GNG2: variants seen among roughly 807,000 people sequenced by gnomAD.
The protein encoded by GNG2 is G protein subunit gamma 2.
GNG2 carries 5 observed loss-of-function variants against 5.5 expected under a neutral mutation model. That is an observed-to-expected ratio of 0.91 (90% CI 0.48 to 1.92). The LOEUF is 1.92. GNG2 is among the 30% of genes most tolerant of loss of function. The pLI, the probability that GNG2 is intolerant of heterozygous loss-of-function variation, is 0.01. For synonymous variants in GNG2, 28 were observed against 32.0 expected (o/e 0.88, Z 0.42); for missense variants, 55 against 88.4 (o/e 0.62, Z 1.52).
At chr14:51,895,812 T>G (rs1885153103) in intron 2 of GNG2, among the ~76,000 whole-genome samples, 1 of 152,166 alleles carries the variant, frequency 6.6e-6, no homozygotes, top group South Asian at 2.1e-4. Context: ...GGCGGGTCTT[T>G]CCTGTGCTGT....
chr14:51,902,026 G>A (rs1459439819), intron 2 of GNG2, among the ~76,000 whole-genome samples: 1 of 141,480 alleles, frequency 7.1e-6, no homozygotes, highest in Non-Finnish European at 1.5e-5. Flanking sequence ...GAATATTTTG[G>A]AAATTATTTT....
chr14:51,937,581 T>C (rs1348201865), intron 2 of GNG2, among the ~76,000 whole-genome samples: 1 of 152,000 alleles, frequency 6.6e-6, no homozygotes, highest in Non-Finnish European at 1.5e-5. Context: ...CTTTTCAGTT[T>C]TCCGAAAATG....
chr14:51,867,644 T>G (rs973812037), intron 1 of GNG2, among the ~76,000 whole-genome samples: 13 of 152,208 alleles, frequency 8.5e-5, no homozygotes, highest in Admixed American at 7.2e-4. Context: ...GACTTGTTTT[T>G]TGAGTTCTTT....
upstream of GNG2, among the ~76,000 whole-genome samples, chr14:51,856,171 G>A (rs543169305): frequency 7.8e-4 from 118 of 152,004 alleles, no homozygotes; most frequent in Non-Finnish European, 1.5e-3. Flanking sequence ...GAGCAAGACA[G>A]TCTCAAAAAA....
intron 2 of GNG2, among the ~76,000 whole-genome samples, chr14:51,833,320 G>A (rs1399995488): frequency 6.6e-6 from 1 of 152,056 alleles, no homozygotes; most frequent in African/African-American, 2.4e-5. Flanking sequence ...CATCTTTAAT[G>A]GGCTCTTTCC....
rs117628732 is a variant in GNG2, at chr14:51,953,189, T to A, written c.87+2424T>A. Among the ~76,000 whole-genome samples the A allele has an allele frequency of 4.5e-3, 682 of 152,334 alleles. 3 individuals are homozygous for A. Among genetic ancestry groups the A allele is most frequent in the Admixed American group, 0.01 (153 of 15,300 alleles). On this transcript the variant is annotated intron_variant, in intron 3 of 3. Coordinates refer to ENST00000556766, the MANE Select transcript of GNG2 (RefSeq NM_053064.5). ...TTTAAAAAGTTTTCCTAGACCCGCA[T>A]CATAAGGTTGGATTTTTGCTGTTTG...
At chr14:51,841,306 C>A (rs1881475158) in intron 2 of GNG2, among the ~76,000 whole-genome samples, 1 of 152,148 alleles carries the variant, frequency 6.6e-6, no homozygotes, top group African/African-American at 2.4e-5. Context: ...GAATCTATGG[C>A]AGGGAGTCCA....
At chr14:51,876,397 G>A (rs887844517) in intron 1 of GNG2, among the ~76,000 whole-genome samples, 1 of 152,058 alleles carries the variant, frequency 6.6e-6, no homozygotes, top group African/African-American at 2.4e-5. Flanking sequence ...TCATGGAGTG[G>A]CATCACTAAA....
At chr14:51,835,040 T>A (rs1010292693) in intron 2 of GNG2, among the ~76,000 whole-genome samples, 2 of 152,178 alleles carry the variant, frequency 1.3e-5, no homozygotes, top group East Asian at 1.9e-4. Context: ...AGGTGAAGGA[T>A]GTAGAATTAG....
intron 2 of GNG2, among the ~76,000 whole-genome samples, chr14:51,948,843 C>T (rs1004079196): frequency 4.6e-5 from 7 of 152,152 alleles, no homozygotes; most frequent in African/African-American, 1.7e-4. Flanking sequence ...GAGGGATGGC[C>T]GGGCGTGGTG....
chr14:51,889,458 G>T (rs1170652575), intron 2 of GNG2, among the ~76,000 whole-genome samples: 2 of 152,142 alleles, frequency 1.3e-5, no homozygotes, highest in East Asian at 3.9e-4. Flanking sequence ...GATGGGTACA[G>T]AATTCACAGT....
intron 2 of GNG2, among the ~76,000 whole-genome samples, chr14:51,893,973 C>T (rs551119691): frequency 3.2e-4 from 48 of 151,958 alleles, no homozygotes; most frequent in African/African-American, 1.1e-3. Flanking sequence ...TCAATGATGC[C>T]ATCTTCATTA....
chr14:51,870,166 T>C (rs577045828), intron 1 of GNG2, among the ~76,000 whole-genome samples: 2 of 152,260 alleles, frequency 1.3e-5, no homozygotes, highest in South Asian at 4.1e-4. Flanking sequence ...GCATTTCCCT[T>C]TGAGAAAAAC....
intron 3 of GNG2, among the ~76,000 whole-genome samples, chr14:51,958,456 A>T (rs920035280): frequency 8.3e-6 from 1 of 121,008 alleles, no homozygotes; most frequent in Non-Finnish European, 1.7e-5. Flanking sequence ...CCCCATTTAT[A>T]TTTCTTTCTA....
At chr14:51,861,638 C>A (rs1190863240) in intron 1 of GNG2, among the ~76,000 whole-genome samples, 1 of 152,216 alleles carries the variant, frequency 6.6e-6, no homozygotes, top group African/African-American at 2.4e-5. Context: ...GATTTTTATT[C>A]TTTGATTTTC....
Position 51,827,585 on chromosome 14 carries a change from C to T in GNG2, c.-76-83C>T, listed in dbSNP as rs1881062407. 4 of 643,838 alleles carry T rather than the reference C, an allele frequency of 6.2e-6. No homozygotes were observed. In the African/African-American group the frequency reaches 7.3e-5, roughly 12 times the overall value. The allele number at this position is 643,838 out of a possible 1,614,324, so 39.9% of individuals were successfully genotyped here. A position where few individuals can be genotyped will look rare whatever the true frequency, so the allele number is the denominator to read the frequency against. On this transcript the variant is annotated intron_variant, in intron 1 of 3. Coordinates refer to the GNG2 transcript ENST00000553432. ...ATACAGTTCCAGACTATAACTAGCT[C>T]AGCTTTGAGACTTGAGGTCAAATAA...
intron 2 of GNG2, among the ~76,000 whole-genome samples, chr14:51,948,204 G>A (rs1888751945): frequency 6.6e-6 from 1 of 152,126 alleles, no homozygotes; most frequent in Admixed American, 6.6e-5. Context: ...GTATCTTTCG[G>A]CTAAATACAC....
chr14:51,847,956 T>A (rs1881715039), intron 2 of GNG2, among the ~76,000 whole-genome samples: 1 of 148,374 alleles, frequency 6.7e-6, no homozygotes, highest in African/African-American at 2.5e-5. Context: ...AGTGGAAGAT[T>A]AGGCTTTTCC....
chr14:51,937,842 G>A (rs1888102640), intron 2 of GNG2, among the ~76,000 whole-genome samples: 1 of 152,188 alleles, frequency 6.6e-6, no homozygotes, highest in African/African-American at 2.4e-5. Context: ...GATAAAAGGA[G>A]ACAGGTGCTC....
Sources: gnomAD v4.1 joint callset for allele counts (sites outside exome capture counted in the v4.1 genomes callset) on GRCh38, gnomAD v4.1.1 for gene constraint, MANE v1.5 for transcripts, NCBI Gene and HGNC (gene_info 2026-07-23, HGNC 2026-07-21) for gene names.